Variants in NFRKB observed in about 807,000 individuals in gnomAD.
The protein encoded by NFRKB is nuclear factor related to kappaB binding protein, also known as nuclear factor related to kappa-B-binding protein.
NFRKB carries 62 observed loss-of-function variants against 135.7 expected under a neutral mutation model. That is an observed-to-expected ratio of 0.46 (90% CI 0.37 to 0.56). NFRKB has a LOEUF of 0.56. Among genes scored for constraint, NFRKB ranks in the 20% least tolerant of loss-of-function variants. The pLI, the probability that NFRKB is intolerant of heterozygous loss-of-function variation, is 0.00. For missense variants in NFRKB, 1,545 were observed against 1,662.0 expected, an observed-to-expected ratio of 0.93 and a Z score of 1.22; for synonymous variants, 678 against 635.6, an observed-to-expected ratio of 1.07 and a Z score of -1.00.
rs562377245 is a variant in NFRKB, at chr11:129,871,122, G to A, written c.2764-861C>T. 5.9e-5 allele frequency among the ~76,000 whole-genome samples: 9 copies of A among 152,248 alleles called. No individual in the cohort carries two copies. In the East Asian group the frequency reaches 1.7e-3, roughly 29 times the overall value. The stretch of plus-strand genomic sequence containing the variant: ...CCATAAAAGCAACAAACATCCTCCC[G>A]TGTAGTTAAAATCATCTCTAAATTA... On this transcript the variant is annotated intron_variant, in intron 23 of 26. Coordinates refer to ENST00000682444, the MANE Select transcript of NFRKB (RefSeq NM_001143835.2).
At chr11:129,871,002 C>A (rs1182342617) in intron 23 of NFRKB, among the ~76,000 whole-genome samples, 1 of 152,148 alleles carries the variant, frequency 6.6e-6, no homozygotes, top group Non-Finnish European at 1.5e-5. Flanking sequence ...TATATAATCA[C>A]CCCTTGGTAT....
Position 129,865,983 on chromosome 11 carries a change from C to T in NFRKB, c.3532G>A (p.Gly1178Arg), listed in dbSNP as rs763710787. The change falls in exon 25 of 27, where the codon GGG becomes AGG. Residue 1178 changes from glycine (G) to arginine (R), a missense_variant and splice_region_variant. By Grantham distance (125) the Gly-to-Arg change is moderately radical (BLOSUM62 -2). Coordinates refer to ENST00000682444, the MANE Select transcript of NFRKB (RefSeq NM_001143835.2). ...ACTGTGATCCGTGTAGGCAACTTCCCCTAGAAAAAAAAAGCAGTCAGGTTT... is the reference window on the plus strand; with the variant it reads ...ACTGTGATCCGTGTAGGCAACTTCCTCTAGAAAAAAAAAGCAGTCAGGTTT... Reference protein sequence around the residue: ...STTVVSTSQAGKLPTRITVPL... With the variant: ...STTVVSTSQARKLPTRITVPL... The T allele has an allele frequency of 1.8e-5, 29 of 1,574,464 alleles. No homozygotes were observed. The highest frequency in any genetic ancestry group is 2.6e-6 in the Non-Finnish European group (3 of 1,162,084).
At chr11:129,881,670 ATAAT>A (rs1487354906) in intron 12 of NFRKB, 53 bp downstream of exon 12, 7 of 1,598,436 alleles carry the variant, frequency 4.4e-6, no homozygotes, top group Non-Finnish European at 6.0e-6. Flanking sequence ...GTTTATTCTA[ATAAT>A]TAATTAGACA....
rs763848357 is a variant in NFRKB at position 129,877,341 on chromosome 11, C to T, written c.1556G>A (p.Arg519Gln). ...VVRPSTGEEK[R>Q]VFQEQERYRY... ...GGTTCTTACCTGCTCCTGAAAAACC[C>T]GTTTCTCCTCCCCCGTGCTGGGACG... is the stretch of plus-strand genomic sequence containing the variant. Residue 519 changes from arginine (R) to glutamine (Q), a missense_variant, in exon 16 of 27, where the codon CGG becomes CAG. Around this residue, in one of 3 missense-constraint regions of NFRKB, gnomAD observed 678 missense variants for 646.7 expected, o/e 1.05. Coordinates refer to ENST00000682444, the MANE Select transcript of NFRKB (RefSeq NM_001143835.2). The T allele has an allele frequency of 5.0e-6, 8 of 1,614,014 alleles. No homozygotes were observed. The Admixed American group carries it at 1.2e-4, about 24-fold the overall frequency.
chr11:129,881,499 G>C lies in NFRKB; in HGVS notation c.1328C>G (p.Ser443Cys). 6.2e-7 allele frequency: 1 copy of C among 1,614,104 alleles called. No homozygotes were observed. Among genetic ancestry groups the C allele is most frequent in the Non-Finnish European group, 8.5e-7 (1 of 1,180,008 alleles). ...YLAGESRAVP[S>C]SFSPFVEFKE... ...GAATTCAACAAATGGAGAGAAACTG[G>C]AAGGAACAGCTGCAAGAAATGGACC... The change falls in exon 13 of 27, where the codon TCC (serine) becomes TGC (cysteine). Residue 443 changes from serine (S) to cysteine (C), a missense_variant. Physicochemically the swap from Ser to Cys is moderately radical, Grantham distance 112. Transcript: ENST00000682444.
Position 129,864,407 on chromosome 11 carries a change from G to T in NFRKB, c.*318C>A. ...TATTCGCTGTGTGCACTCTGCAACT[G>T]GTAAGCCTTCCCTGGGGGTCTTACT... On this transcript the variant is annotated 3_prime_UTR_variant, in exon 27 of 27. Coordinates refer to ENST00000682444, the MANE Select transcript of NFRKB (RefSeq NM_001143835.2). 3.2e-6 allele frequency: 1 copy of T among 311,334 alleles called. No individual in the cohort carries two copies. The highest frequency in any genetic ancestry group is 4.3e-5 in the Admixed American group (1 of 23,162). 19.3% of individuals were successfully genotyped at this position (311,334 alleles called of 1,614,324 possible).
At position 129,886,621 on chromosome 11, in the gene NFRKB, A is replaced by C. The variant is rs1265902840; in HGVS notation, c.338-177T>G. Among the ~76,000 whole-genome samples the C allele has an allele frequency of 3.3e-5, 5 of 152,368 alleles. No individual in the cohort carries two copies. In the South Asian group the frequency reaches 8.3e-4, roughly 25 times the overall value. ...AAAAGTAAAAGCGTGCTGAGAAGCA[A>C]TGACAGCTCATTTAAGGCTGATGAT... On this transcript the variant is annotated intron_variant, in intron 4 of 26. Transcript: ENST00000682444.
rs1948088229 is a variant in NFRKB at position 129,864,303 on chromosome 11, G to T, written c.*422C>A. 1 of 155,500 alleles carries T rather than the reference G, an allele frequency of 6.4e-6. No homozygotes were observed. Among genetic ancestry groups the T allele is most frequent in the South Asian group, 2.0e-4 (1 of 4,918 alleles). 9.6% of individuals were successfully genotyped at this position (155,500 alleles called of 1,614,324 possible). ...AAAATAAATTACATAAAATTTTCTG[G>T]ACACAAAACTCCTATCCAGACCACT... On this transcript the variant is annotated 3_prime_UTR_variant, in exon 27 of 27. Transcript: ENST00000682444.
At position 129,878,500 on chromosome 11, in the gene NFRKB, C is replaced by G. The variant is rs1165512778; in HGVS notation, c.1428G>C (p.Gln476His). 6.2e-7 allele frequency: 1 copy of G among 1,614,024 alleles called. No homozygotes were observed. Among genetic ancestry groups the G allele is most frequent in the East Asian group, 2.2e-5 (1 of 44,902 alleles). Residue 476 changes from glutamine (Q) to histidine (H), a missense_variant, in exon 14 of 27, where the codon CAG becomes CAC. By Grantham distance (24) the Gln-to-His change is conservative. This residue lies in a region of NFRKB where 678 missense variants were observed against 646.7 expected (regional missense o/e 1.05). Coordinates refer to ENST00000682444, the MANE Select transcript of NFRKB (RefSeq NM_001143835.2). ...DNEKELAALF[Q>H]LWLETKDQAF... The stretch of plus-strand genomic sequence containing the variant: ...CCTGATCTTTGGTCTCTAGCCATAG[C>G]TGGAAGAGGGCAGCTAATTCCTTTT...
Position 129,876,647 on chromosome 11 carries a change from A to C in NFRKB, c.1747+74T>G, listed in dbSNP as rs1591497907. The stretch of plus-strand genomic sequence containing the variant: ...CTGGGTGGAGGGGTAAGGAGAGGAC[A>C]GAGTTCAGAGTTGGTAAGAGAAAAG... On this transcript the variant is annotated intron_variant, in intron 17 of 26. Transcript: ENST00000682444. The C allele has an allele frequency of 2.6e-6, 4 of 1,527,364 alleles. No individual in the cohort carries two copies. The East Asian group carries it at 9.1e-5, about 35-fold the overall frequency. The allele number at this position is 1,527,364 out of a possible 1,614,324, so 94.6% of individuals were successfully genotyped here.
At chr11:129,881,374 G>A (rs1250601004) in intron 13 of NFRKB, 69 bp downstream of exon 13, 3 of 1,483,904 alleles carry the variant, frequency 2.0e-6, no homozygotes, top group Non-Finnish European at 2.8e-6. Flanking sequence ...TTGACTGGAA[G>A]GCAAATAAAC....
intron 15 of NFRKB, among the ~76,000 whole-genome samples, chr11:129,877,914 A>G (rs1207972149): frequency 6.6e-6 from 1 of 152,198 alleles, no homozygotes; most frequent in Non-Finnish European, 1.5e-5. Flanking sequence ...TAGGACTAAG[A>G]GTCAAGAGAT....
At chr11:129,892,555 T>C (rs1949607394) in intron 3 of NFRKB, among the ~76,000 whole-genome samples, 160 bp downstream of exon 3, 1 of 151,964 alleles carries the variant, frequency 6.6e-6, no homozygotes, top group African/African-American at 2.4e-5. Flanking sequence ...TTAAATAGAC[T>C]CTAAACTTAA....
chr11:129,881,463 G>C lies in NFRKB; in HGVS notation c.1364C>G (p.Thr455Ser). 6.2e-7 allele frequency: 1 copy of C among 1,614,168 alleles called. No homozygotes were observed. The highest frequency in any genetic ancestry group is 8.5e-7 in the Non-Finnish European group (1 of 1,180,016). Residue 455 changes from threonine to serine, a missense_variant, in exon 13 of 27, where the codon ACC becomes AGC. By Grantham distance (58) the Thr-to-Ser change is moderately conservative (BLOSUM62 1). Around this residue, in one of 3 missense-constraint regions of NFRKB, gnomAD observed 678 missense variants for 646.7 expected, o/e 1.05. Coordinates refer to ENST00000682444, the MANE Select transcript of NFRKB (RefSeq NM_001143835.2). The stretch of plus-strand genomic sequence containing the variant: ...CTTACCAAGCAACTTCCACTGCTGG[G>C]TTTTCTCTTTGAATTCAACAAATGG... The part of the protein sequence containing the change: ...FSPFVEFKEK[T>S]QQWKLLGQSQ...
chr11:129,864,742 C>T lies in NFRKB; in HGVS notation c.3883G>A (p.Ala1295Thr). 6.2e-7 allele frequency: 1 copy of T among 1,614,180 alleles called. No individual in the cohort carries two copies. Reference sequence around the variant, plus strand: ...TCTCATAATCATTGTTGCTCAGGTGCCTGTTTAGGAGACGGAGCTGTAGTC... The same window carrying T: ...TCTCATAATCATTGTTGCTCAGGTGTCTGTTTAGGAGACGGAGCTGTAGTC... Reference protein sequence around the residue: ...VVTTAPSPKQAPEQQ With the variant: ...VVTTAPSPKQTPEQQ Residue 1295 changes from alanine to threonine, a missense_variant, in exon 27 of 27, where the codon GCA becomes ACA. Coordinates refer to ENST00000682444, the MANE Select transcript of NFRKB (RefSeq NM_001143835.2).
chr11:129,893,389 CAAAAAAAAA>C (rs375172554), intron 2 of NFRKB: 2 of 112,812 alleles, frequency 1.8e-5, no homozygotes, highest in Non-Finnish European at 3.2e-5. Context: ...CCCTTCTCTA[CAAAAAAAAA>C]AAAAAAAAAA....
intron 3 of NFRKB, among the ~76,000 whole-genome samples, chr11:129,891,937 C>T (rs755974276): frequency 3.3e-5 from 5 of 152,118 alleles, no homozygotes; most frequent in Admixed American, 6.5e-5. Flanking sequence ...GATTAACTGC[C>T]AAATATTTCA....
Position 129,874,116 on chromosome 11 carries a change from G to A in NFRKB, c.2276C>T (p.Ser759Leu), listed in dbSNP as rs959918408. 23 of 1,547,698 alleles carry A rather than the reference G, an allele frequency of 1.5e-5. No homozygotes were observed. Among genetic ancestry groups the A allele is most frequent in the East Asian group, 4.5e-5 (2 of 44,282 alleles). ...CTGAAGAAAAGGAGGAACTTACCCCGAGCTAGACTTAGCTGGTTCTGAGAC... is the reference window on the plus strand; with the variant it reads ...CTGAAGAAAAGGAGGAACTTACCCCAAGCTAGACTTAGCTGGTTCTGAGAC... ...STVSEPAKSS[S>L]GVLLVSSPTM... Residue 759 changes from serine to leucine, a missense_variant, in exon 21 of 27, where the codon TCG becomes TTG. Physicochemically the swap from Ser to Leu is moderately radical, Grantham distance 145 (BLOSUM62 -2). This residue lies in a region of NFRKB where 753 missense variants were observed against 804.3 expected (regional missense o/e 0.94). Coordinates refer to ENST00000682444, the MANE Select transcript of NFRKB (RefSeq NM_001143835.2). This position sits in a 1 kb window ranked among gnomAD's most constrained non-coding sequence, Gnocchi z 4.5.
At position 129,873,983 on chromosome 11, in the gene NFRKB, T is replaced by C. The variant is rs1240768349; in HGVS notation, c.2312A>G (p.His771Arg). ...VLLVSSPTMP[H>R]LGTMLSPASS... Reference sequence around the variant, plus strand: ...AGCTGGGGAAAGCATTGTTCCCAGATGTGGCATTGTTGGTGAAGACACCAG... The same window carrying C: ...AGCTGGGGAAAGCATTGTTCCCAGACGTGGCATTGTTGGTGAAGACACCAG... Residue 771 changes from histidine to arginine, a missense_variant, in exon 22 of 27, where the codon CAT (histidine) becomes CGT (arginine). Coordinates refer to ENST00000682444, the MANE Select transcript of NFRKB (RefSeq NM_001143835.2). 6.2e-7 allele frequency: 1 copy of C among 1,612,844 alleles called. No homozygotes were observed. The highest frequency in any genetic ancestry group is 1.3e-5 in the African/African-American group (1 of 74,936).
Sources: gnomAD v4.1 joint callset for allele counts (sites outside exome capture counted in the v4.1 genomes callset) on GRCh38, gnomAD v4.1.1 for gene constraint, gnomAD v4.1.1 regional missense constraint, Gnocchi (gnomAD v3.1) non-coding constraint, MANE v1.5 for transcripts, NCBI Gene and HGNC (gene_info 2026-07-23, HGNC 2026-07-21) for gene names.